Variants in PTPRJ observed in about 807,000 individuals in gnomAD.
PTPRJ encodes the protein protein tyrosine phosphatase receptor type J.
Under a neutral mutation model 141.3 loss-of-function variants are expected in PTPRJ, and 129 were observed. That is an observed-to-expected ratio of 0.91 (90% confidence interval 0.79 to 1.06). The LOEUF is 1.06. Among genes scored for constraint, PTPRJ ranks in the 50% least tolerant of loss-of-function variants. The probability of loss-of-function intolerance (pLI) is 0.00; values close to 1 mark genes in which losing one functional copy is unlikely to be tolerated. For synonymous variants in PTPRJ, 610 were observed against 640.5 expected (o/e 0.95, Z 0.72); for missense variants, 1,601 against 1,679.7 (o/e 0.95, Z 0.82).
At chr11:48,058,797 C>T (rs1420847366) in intron 1 of PTPRJ, among the ~76,000 whole-genome samples, 3 of 152,144 alleles carry the variant, frequency 2.0e-5, no homozygotes, top group Non-Finnish European at 4.4e-5. Context: ...CTCAAAGCCC[C>T]GCAGTGATTC....
intron 1 of PTPRJ, among the ~76,000 whole-genome samples, chr11:48,008,749 G>C (rs1036529579): frequency 9.2e-5 from 14 of 151,908 alleles, no homozygotes; most frequent in African/African-American, 3.4e-4. Context: ...ATTTTTCATA[G>C]AGGTGGGGTT....
At chr11:48,084,367 A>G (rs1308690401) in intron 1 of PTPRJ, among the ~76,000 whole-genome samples, 1 of 152,112 alleles carries the variant, frequency 6.6e-6, no homozygotes, top group Non-Finnish European at 1.5e-5. Context: ...TATTTTTAGC[A>G]GAGACGGGGT....
rs529943730 is a variant in PTPRJ, at chr11:48,127,988, G to A, written c.1302G>A (p.Val434=). The change falls in exon 7 of 25, where the codon GTG becomes GTA. Residue 434 remains valine (V), a synonymous_variant. Transcript: ENST00000418331. ...LRSSTFYNIT[V]CPVLGDIEGT... ...CCAGCACCTTCTACAACATCACAGTGTGTCCTGTCCTAGGTGACATCGAGG... is the reference window on the plus strand; with the variant it reads ...CCAGCACCTTCTACAACATCACAGTATGTCCTGTCCTAGGTGACATCGAGG... The A allele has an allele frequency of 7.0e-5, 113 of 1,614,184 alleles. No homozygotes were observed. The highest frequency in any genetic ancestry group is 3.1e-5 in the Non-Finnish European group (37 of 1,180,030).
chr11:48,034,749 C>T (rs1854075461), intron 1 of PTPRJ, among the ~76,000 whole-genome samples: 3 of 152,204 alleles, frequency 2.0e-5, no homozygotes, highest in Admixed American at 2.0e-4. Flanking sequence ...CTGGGGGAGC[C>T]TGGCTCCATG....
intron 11 of PTPRJ, among the ~76,000 whole-genome samples, chr11:48,141,499 A>G (rs1229906138): frequency 1.3e-5 from 2 of 152,162 alleles, no homozygotes; most frequent in Non-Finnish European, 2.9e-5. Flanking sequence ...TGCTGTGCCC[A>G]GGTCTCAGCA....
At chr11:48,152,082 A>G (rs1302632471) in intron 18 of PTPRJ, among the ~76,000 whole-genome samples, 2 of 152,284 alleles carry the variant, frequency 1.3e-5, no homozygotes, top group Admixed American at 6.5e-5. Flanking sequence ...AAGTGTTGCT[A>G]TTTCTCCACA....
chr11:48,112,316 G>A (rs929899344), intron 2 of PTPRJ, among the ~76,000 whole-genome samples: 1 of 152,198 alleles, frequency 6.6e-6, no homozygotes, highest in East Asian at 1.9e-4. Flanking sequence ...AAAATCTCCA[G>A]GAGTATGATG....
chr11:48,025,936 GA>G (rs1277509749), intron 1 of PTPRJ, among the ~76,000 whole-genome samples: 1 of 152,104 alleles, frequency 6.6e-6, no homozygotes, highest in African/African-American at 2.4e-5. Context: ...CCTCTTCCTG[GA>G]ATGCTCATCC....
At chr11:48,137,380 T>C in intron 10 of PTPRJ, 99 bp downstream of exon 10, 1 of 1,333,496 alleles carries the variant, frequency 7.5e-7, no homozygotes, top group Non-Finnish European at 1.0e-6. Context: ...TTTTGTGTGA[T>C]GTGCAGTGAT....
intron 1 of PTPRJ, among the ~76,000 whole-genome samples, chr11:48,076,011 C>G (rs1011166085): frequency 2.6e-5 from 4 of 152,160 alleles, no homozygotes; most frequent in African/African-American, 9.7e-5. Context: ...TTCATGAAGC[C>G]TCTCATGGTC....
At chr11:48,132,435 TG>T (rs1230875716) in intron 8 of PTPRJ, 5 of 983,618 alleles carry the variant, frequency 5.1e-6, no homozygotes, top group Non-Finnish European at 6.0e-6. Context: ...GAGAAACTTC[TG>T]GGAAATCCTA....
chr11:48,112,698 C>A, intron 2 of PTPRJ, 49 bp from the exon 3 acceptor site: 1 of 1,403,306 alleles, frequency 7.1e-7, no homozygotes, highest in South Asian at 1.2e-5. Context: ...GCATCCCTGT[C>A]TCCTGGAGAA....
At chr11:48,138,901 A>G (rs1471250695) in intron 10 of PTPRJ, among the ~76,000 whole-genome samples, 2 of 152,156 alleles carry the variant, frequency 1.3e-5, no homozygotes, top group African/African-American at 2.4e-5. Context: ...TTGGGAGGCC[A>G]AGGTGGGTGG....
intron 1 of PTPRJ, among the ~76,000 whole-genome samples, chr11:48,044,237 A>G (rs938860013): frequency 6.6e-6 from 1 of 152,178 alleles, no homozygotes; most frequent in African/African-American, 2.4e-5. Flanking sequence ...TGTGCTTCAT[A>G]TGGTTGAACT....
At chr11:48,060,357 G>A (rs926740214) in intron 1 of PTPRJ, among the ~76,000 whole-genome samples, 7 of 152,054 alleles carry the variant, frequency 4.6e-5, no homozygotes, top group African/African-American at 1.7e-4. Flanking sequence ...ATGGTGTACT[G>A]TAAACAAAGA....
intron 1 of PTPRJ, among the ~76,000 whole-genome samples, chr11:47,987,732 C>T (rs1228128361): frequency 6.6e-6 from 1 of 152,158 alleles, no homozygotes; most frequent in East Asian, 1.9e-4. Context: ...GGCTGGTTTT[C>T]CAGTGGCTTT....
At chr11:48,035,538 C>CTTTTTTT (rs66504227) in intron 1 of PTPRJ, among the ~76,000 whole-genome samples, 1,055 of 61,776 alleles carry the variant, frequency 0.017, 2 homozygotes, top group Non-Finnish European at 0.025. Context: ...CTTTCTTCTT[C>CTTTTTTT]TTTTTTTTTT....
chr11:48,108,095 T>C (rs751492364), intron 1 of PTPRJ, among the ~76,000 whole-genome samples: 4 of 152,076 alleles, frequency 2.6e-5, no homozygotes, highest in Admixed American at 1.3e-4. Flanking sequence ...AGAAAAAAGT[T>C]ATTCAAAAAA....
chr11:48,147,525 C>A (rs1005714297), intron 15 of PTPRJ, among the ~76,000 whole-genome samples: 3 of 152,186 alleles, frequency 2.0e-5, no homozygotes, highest in African/African-American at 7.2e-5. Flanking sequence ...GTGCCTGCAT[C>A]TGTGCTTTCT....
Sources: allele counts gnomAD v4.1 joint callset (sites outside exome capture counted in the v4.1 genomes callset), GRCh38; gene constraint gnomAD v4.1.1; transcripts MANE v1.5; gene names NCBI Gene and HGNC (gene_info 2026-07-23, HGNC 2026-07-21).